Variants in PTPRM observed in about 807,000 individuals in gnomAD.
The protein encoded by PTPRM is receptor-type tyrosine-protein phosphatase mu.
A neutral mutation model predicts 186.7 loss-of-function variants in PTPRM; 47 were observed. The observed-to-expected ratio is 0.25, with a 90% CI of 0.20 to 0.32. PTPRM has a LOEUF of 0.32. Among genes scored for constraint, PTPRM ranks in the 10% least tolerant of loss-of-function variants. The probability of loss-of-function intolerance (pLI) is 1.00; values close to 1 mark genes in which losing one functional copy is unlikely to be tolerated. For missense variants in PTPRM, 1,494 were observed against 1,865.0 expected (o/e 0.80, Z 3.66); for synonymous variants, 668 against 674.9 (o/e 0.99, Z 0.16).
chr18:8,368,692 G>A (rs2095647005), intron 23 of PTPRM, among the ~76,000 whole-genome samples: 1 of 152,182 alleles, frequency 6.6e-6, no homozygotes, highest in African/African-American at 2.4e-5. Flanking sequence ...ACCTCAGGGG[G>A]TTGGCATTCT....
intron 9 of PTPRM, among the ~76,000 whole-genome samples, chr18:8,084,312 A>G (rs1272439429): frequency 6.6e-6 from 1 of 152,204 alleles, no homozygotes; most frequent in Non-Finnish European, 1.5e-5. Flanking sequence ...CCCTGGAGGT[A>G]TCCGAATGGA....
intron 14 of PTPRM, among the ~76,000 whole-genome samples, chr18:8,226,146 G>T (rs914590126): frequency 3.4e-5 from 4 of 118,928 alleles, no homozygotes; most frequent in Non-Finnish European, 7.3e-5. Context: ...CAAATGTGTG[G>T]TTAAAAAAAA....
At chr18:8,367,044 GA>G (rs2095634355) in intron 23 of PTPRM, 1 of 151,994 alleles carries the variant, frequency 6.6e-6, no homozygotes, top group Non-Finnish European at 1.5e-5. Flanking sequence ...TAGAGGACAG[GA>G]AGCGACTGCG....
chr18:8,129,769 G>T (rs887400913), intron 13 of PTPRM, among the ~76,000 whole-genome samples: 1 of 152,158 alleles, frequency 6.6e-6, no homozygotes, highest in African/African-American at 2.4e-5. Context: ...AAGACAGCAG[G>T]ATGTAGAGGA....
chr18:8,253,160 C>A, intron 18 of PTPRM, 67 bp from the exon 19 acceptor site: 3 of 1,248,778 alleles, frequency 2.4e-6, no homozygotes, highest in Non-Finnish European at 3.1e-6. Context: ...AGCTTCTTAG[C>A]ATTCTCAGTG....
chr18:7,895,393 G>A (rs1341328192), intron 3 of PTPRM, among the ~76,000 whole-genome samples: 4 of 152,190 alleles, frequency 2.6e-5, no homozygotes, highest in Non-Finnish European at 5.9e-5. Flanking sequence ...AATGTCAAAA[G>A]GTGTTAAATG....
chr18:7,866,590 G>A (rs1182420549), intron 2 of PTPRM, among the ~76,000 whole-genome samples: 5 of 152,174 alleles, frequency 3.3e-5, no homozygotes, highest in African/African-American at 1.2e-4. Flanking sequence ...ATATGCTGAG[G>A]AGTGTTTTAC....
Position 8,112,601 on chromosome 18 carries a change from G to A in PTPRM, c.1857-885G>A, listed in dbSNP as rs142542602. 3.2e-3 allele frequency among the ~76,000 whole-genome samples: 494 copies of A among 152,262 alleles called. 2 individuals are homozygous for A. The highest frequency in any genetic ancestry group is 0.011 in the African/African-American group (475 of 41,570). On this transcript the variant is annotated intron_variant, in intron 11 of 32. Transcript: ENST00000580170. The stretch of plus-strand genomic sequence containing the variant: ...CTTTAGTTTTTCTCAGCATGAGAAA[G>A]GTTTTTTTCCAACAAAACTGCAAAC...
chr18:8,047,697 T>C (rs995587465), intron 7 of PTPRM, among the ~76,000 whole-genome samples: 1 of 151,838 alleles, frequency 6.6e-6, no homozygotes, highest in Non-Finnish European at 1.5e-5. Context: ...CCCACCAAGA[T>C]AGCTGAATGT....
chr18:7,713,098 A>C (rs530170043), intron 1 of PTPRM, among the ~76,000 whole-genome samples: 1 of 152,342 alleles, frequency 6.6e-6, no homozygotes, highest in African/African-American at 2.4e-5. Flanking sequence ...ATGAAGGATA[A>C]AATGTTAAGG....
At chr18:8,218,371 GT>G (rs34456736) in intron 14 of PTPRM, among the ~76,000 whole-genome samples, 27,628 of 152,086 alleles carry the variant, frequency 0.18, 2,529 homozygotes, top group Non-Finnish European at 0.2. Flanking sequence ...TAGAAGAACG[GT>G]TAAACTATTA....
intron 1 of PTPRM, among the ~76,000 whole-genome samples, chr18:7,687,778 A>T (rs2039637043): frequency 7.1e-6 from 1 of 140,400 alleles, no homozygotes; most frequent in African/African-American, 2.6e-5. Flanking sequence ...GAGCTATAAG[A>T]TTTTTTTTTT....
At chr18:8,200,731 A>G (rs1317349778) in intron 14 of PTPRM, among the ~76,000 whole-genome samples, 1 of 152,258 alleles carries the variant, frequency 6.6e-6, no homozygotes, top group African/African-American at 2.4e-5. Flanking sequence ...TAAAAATAGT[A>G]CAAAAAATTG....
chr18:8,056,696 A>T (rs935380374), intron 7 of PTPRM, among the ~76,000 whole-genome samples: 2 of 151,704 alleles, frequency 1.3e-5, no homozygotes, highest in Admixed American at 1.3e-4. Flanking sequence ...TTACTTTAAG[A>T]TCTGTCCTTC....
chr18:7,714,660 A>G (rs567988689), intron 1 of PTPRM, among the ~76,000 whole-genome samples: 1 of 152,274 alleles, frequency 6.6e-6, no homozygotes, highest in East Asian at 1.9e-4. Flanking sequence ...GAATCAAAAG[A>G]CACAATAAAA....
chr18:7,589,526 C>G (rs1384091132), intron 1 of PTPRM, among the ~76,000 whole-genome samples: 3 of 152,146 alleles, frequency 2.0e-5, no homozygotes, highest in Non-Finnish European at 4.4e-5. Context: ...GACCTGAACA[C>G]TTGAAAGTGT....
At chr18:8,303,385 T>A (rs2095182686) in intron 20 of PTPRM, among the ~76,000 whole-genome samples, 1 of 152,152 alleles carries the variant, frequency 6.6e-6, no homozygotes, top group Admixed American at 6.5e-5. Context: ...AGTGAGCCAA[T>A]CTTGGTTGCT....
At chr18:8,180,747 G>T (rs181519347) in intron 14 of PTPRM, among the ~76,000 whole-genome samples, 11 of 152,290 alleles carry the variant, frequency 7.2e-5, no homozygotes, top group Admixed American at 2.0e-4. Context: ...TTGCCTCTTA[G>T]TGCACATGCT....
chr18:7,724,794 G>T (rs1161538105), intron 1 of PTPRM, among the ~76,000 whole-genome samples: 1 of 152,198 alleles, frequency 6.6e-6, no homozygotes, highest in African/African-American at 2.4e-5. Flanking sequence ...TTTAAAATGT[G>T]TAGGGCAGTG....
Sources: allele counts gnomAD v4.1 joint callset (sites outside exome capture counted in the v4.1 genomes callset), GRCh38; gene constraint gnomAD v4.1.1; transcripts MANE v1.5; gene names NCBI Gene and HGNC (gene_info 2026-07-23, HGNC 2026-07-21).